The following PSAT1 variants were observed in gnomAD, a reference collection of about 807,000 sequenced individuals.
PSAT1 encodes the protein phosphoserine aminotransferase.
A neutral mutation model predicts 40.3 loss-of-function variants in PSAT1; 41 were observed. The observed-to-expected ratio is 1.02, with a 90% CI of 0.79 to 1.32. PSAT1 has a LOEUF of 1.32. PSAT1 is among the 40% of genes most tolerant of loss of function. PSAT1 has a pLI of 0.00. For missense variants in PSAT1, 406 were observed against 455.8 expected, an observed-to-expected ratio of 0.89 and a Z score of 0.99; for synonymous variants, 147 against 170.5, an observed-to-expected ratio of 0.86 and a Z score of 1.07.
At chr9:78,324,812 G>A (rs1437967412) in intron 7 of PSAT1, among the ~76,000 whole-genome samples, 1 of 152,148 alleles carries the variant, frequency 6.6e-6, no homozygotes, top group Non-Finnish European at 1.5e-5. Context: ...ATGTGAGAGA[G>A]CTTGTTTGCA....
At chr9:78,322,548 AC>A (rs1225169023) in intron 7 of PSAT1, among the ~76,000 whole-genome samples, 3 of 152,234 alleles carry the variant, frequency 2.0e-5, no homozygotes, top group African/African-American at 7.2e-5. Context: ...GTATTTAATT[AC>A]ATGAAAATTT....
At position 78,317,887 on chromosome 9, in the gene PSAT1, A is replaced by T. The variant is rs891696432; in HGVS notation, c.869+83A>T. 3.4e-6 allele frequency: 5 copies of T among 1,467,444 alleles called. No homozygotes were observed. In the African/African-American group the frequency reaches 7.0e-5, roughly 20 times the overall value. The allele number at this position is 1,467,444 out of a possible 1,614,324, so 90.9% of individuals were successfully genotyped here. ...TACTGTGTACCTTTGAAAAGTGGACATATTCACCTTTCTCTGAGACATTAA... is the reference window on the plus strand; with the variant it reads ...TACTGTGTACCTTTGAAAAGTGGACTTATTCACCTTTCTCTGAGACATTAA... On this transcript the variant is annotated intron_variant, in intron 7 of 8. Transcript: ENST00000376588.
At position 78,297,204 on chromosome 9, in the gene PSAT1, C is replaced by G. The variant is rs374149208; in HGVS notation, c.-7C>G. On this transcript the variant is annotated 5_prime_UTR_variant, in exon 1 of 9. Transcript: ENST00000376588. ...CTTGGCTGACTCACCGCCCTGGCCG[C>G]CGCACCATGGACGCCCCCAGGCAGG... 143 of 1,597,646 alleles carry G rather than the reference C, an allele frequency of 9.0e-5. No homozygotes were observed. The highest frequency in any genetic ancestry group is 1.2e-4 in the Non-Finnish European group (137 of 1,176,340).
intron 7 of PSAT1, among the ~76,000 whole-genome samples, chr9:78,324,956 G>T (rs965803007): frequency 6.6e-6 from 1 of 152,014 alleles, no homozygotes; most frequent in Non-Finnish European, 1.5e-5. Flanking sequence ...GACCTAGAAA[G>T]CTTTTTTTTT....
At chr9:78,305,015 T>C (rs1828161356) in intron 4 of PSAT1, 75 bp downstream of exon 4, 2 of 1,330,162 alleles carry the variant, frequency 1.5e-6, no homozygotes, top group East Asian at 4.9e-5. Context: ...ATCTGTAGTT[T>C]TCAATTATTT....
chr9:78,301,925 G>T, intron 2 of PSAT1, 29 bp from the exon 3 acceptor site: 15 of 1,548,078 alleles, frequency 9.7e-6, no homozygotes, highest in Non-Finnish European at 1.3e-5. Flanking sequence ...TGGAATATTT[G>T]TTATTGTTGT....
At chr9:78,321,187 C>T (rs1828424464) in intron 7 of PSAT1, among the ~76,000 whole-genome samples, 1 of 152,124 alleles carries the variant, frequency 6.6e-6, no homozygotes, top group Non-Finnish European at 1.5e-5. Flanking sequence ...TGCCTTGACC[C>T]AGGACTTCCA....
intron 6 of PSAT1, 68 bp from the exon 7 acceptor site, chr9:78,317,608 T>C: frequency 1.3e-6 from 2 of 1,558,064 alleles, no homozygotes; most frequent in Non-Finnish European, 8.8e-7. Flanking sequence ...TCAACAGCAG[T>C]TTGCTTGAAT....
intron 7 of PSAT1, among the ~76,000 whole-genome samples, chr9:78,325,554 A>C (rs1287305015): frequency 1.3e-5 from 2 of 152,164 alleles, no homozygotes; most frequent in Non-Finnish European, 2.9e-5. Context: ...CATCTGTTGG[A>C]ACCATGCCTT....
intron 6 of PSAT1, among the ~76,000 whole-genome samples, chr9:78,316,206 C>T (rs1196267123): frequency 5.3e-5 from 8 of 152,214 alleles, no homozygotes; most frequent in Admixed American, 5.2e-4. Context: ...GCCCACCTGC[C>T]ACGTGCCAGG....
chr9:78,301,875 T>C (rs910773812), intron 2 of PSAT1, 79 bp from the exon 3 acceptor site: 2 of 1,135,938 alleles, frequency 1.8e-6, no homozygotes, highest in African/African-American at 3.0e-5. Context: ...GTTGTTTACT[T>C]GCAAATTTCG....
chr9:78,312,213 A>G (rs905612363), intron 6 of PSAT1, among the ~76,000 whole-genome samples: 1 of 152,178 alleles, frequency 6.6e-6, no homozygotes, highest in Non-Finnish European at 1.5e-5. Flanking sequence ...CTTCAGTAGA[A>G]CACACTAACC....
intron 1 of PSAT1, chr9:78,298,260 C>T: frequency 1.0e-6 from 1 of 985,264 alleles, no homozygotes; most frequent in Non-Finnish European, 1.2e-6. Flanking sequence ...CTGCCGCCGC[C>T]GTTAGATTTT....
intron 3 of PSAT1, 141 bp from the exon 4 acceptor site, chr9:78,304,594 G>A: frequency 1.2e-6 from 1 of 811,292 alleles, no homozygotes; most frequent in Non-Finnish European, 2.1e-6. Flanking sequence ...AGTGAATTAG[G>A]GAAGACAAAG....
At position 78,320,540 on chromosome 9, in the gene PSAT1, C is replaced by T. The variant is rs138748447; in HGVS notation, c.869+2736C>T. 3.4e-3 allele frequency among the ~76,000 whole-genome samples: 519 copies of T among 151,856 alleles called. 4 individuals are homozygous for T. Among genetic ancestry groups the T allele is most frequent in the Middle Eastern group, 0.028 (8 of 286 alleles). On this transcript the variant is annotated intron_variant, in intron 7 of 8. Transcript: ENST00000376588. ...CCATCCACTCATTCATCCACCCGCC[C>T]ACCCACTCATCTGTCCATTCACCCT...
chr9:78,304,581 AT>A (rs1828153283), intron 3 of PSAT1, among the ~76,000 whole-genome samples, 153 bp from the exon 4 acceptor site: 1 of 152,228 alleles, frequency 6.6e-6, no homozygotes, highest in Non-Finnish European at 1.5e-5. Context: ...GCATAAATAA[AT>A]GAGTGAATTA....
chr9:78,312,092 TG>T (rs1828277629), intron 6 of PSAT1, among the ~76,000 whole-genome samples: 1 of 151,370 alleles, frequency 6.6e-6, no homozygotes, highest in Non-Finnish European at 1.5e-5. Context: ...CCATAGGCCC[TG>T]GGAACTTTGA....
intron 6 of PSAT1, among the ~76,000 whole-genome samples, chr9:78,313,704 G>A (rs1828299773): frequency 6.6e-6 from 1 of 152,136 alleles, no homozygotes; most frequent in African/African-American, 2.4e-5. Context: ...GAGTGCAGCA[G>A]TGTGATGATA....
At chr9:78,313,494 A>T (rs1828296577) in intron 6 of PSAT1, among the ~76,000 whole-genome samples, 1 of 152,252 alleles carries the variant, frequency 6.6e-6, no homozygotes, top group African/African-American at 2.4e-5. Flanking sequence ...AACTGGGCAT[A>T]TGCAAATATA....
Sources: allele counts gnomAD v4.1 joint callset (sites outside exome capture counted in the v4.1 genomes callset), GRCh38; gene constraint gnomAD v4.1.1; transcripts MANE v1.5; gene names NCBI Gene and HGNC (gene_info 2026-07-23, HGNC 2026-07-21).